PDK1: variants seen among roughly 807,000 people sequenced by gnomAD.
PDK1 encodes the protein [Pyruvate dehydrogenase (acetyl-transferring)] kinase isozyme 1, mitochondrial.
A neutral mutation model predicts 54.2 loss-of-function variants in PDK1; 39 were observed. The ratio of observed to expected loss-of-function variants is 0.72; its 90% CI spans 0.56 to 0.94. PDK1 has a LOEUF of 0.94. PDK1 is among the 40% of genes least tolerant of loss of function. The pLI is 0.00. For missense variants in PDK1, 552 were observed against 566.0 expected (o/e 0.98, Z 0.25); for synonymous variants, 221 against 207.1 (o/e 1.07, Z -0.58).
At chr2:172,695,225 A>T in the PDK1 span, among the ~76,000 whole-genome samples, 1 of 152,164 alleles carries the variant, frequency 6.6e-6, no homozygotes, top group Non-Finnish European at 1.5e-5. Context: ...TGGTTTTATT[A>T]TATGTTATTT....
intron 1 of PDK1, 56 bp from the exon 2 acceptor site, chr2:172,558,652 C>T (rs1200607808): frequency 2.1e-6 from 3 of 1,461,332 alleles, no homozygotes; most frequent in Non-Finnish European, 2.8e-6. Flanking sequence ...CAGCCTCTTG[C>T]CTTCTGTTTC....
At chr2:172,586,935 CTTATCT>C (rs935530729) in intron 9 of PDK1, among the ~76,000 whole-genome samples, 3 of 152,162 alleles carry the variant, frequency 2.0e-5, no homozygotes, top group Admixed American at 1.3e-4. Context: ...TGACTCCATC[CTTATCT>C]TTATGTTCTA....
intron 8 of PDK1, among the ~76,000 whole-genome samples, chr2:172,580,545 C>T (rs1689847682): frequency 6.6e-6 from 1 of 152,164 alleles, no homozygotes. Flanking sequence ...GGCTTAACCT[C>T]AGGAATCTGT....
rs762741257 is a variant in PDK1, at chr2:172,596,223, C to T, written c.*254C>T. The T allele has an allele frequency of 2.0e-5, 6 of 296,444 alleles. No individual in the cohort carries two copies. Among genetic ancestry groups the T allele is most frequent in the African/African-American group, 6.4e-5 (3 of 46,526 alleles). The allele number at this position is 296,444 out of a possible 1,614,324, so 18.4% of individuals were successfully genotyped here. On this transcript the variant is annotated 3_prime_UTR_variant, in exon 11 of 11. Transcript: ENST00000282077. ...AACTGTAGTTTTGGGCAACTTTTCA[C>T]TTTGTGGTAGACTTCAGAAGTGTGG...
chr2:172,671,730 G>A, the PDK1 span, among the ~76,000 whole-genome samples: 4 of 152,058 alleles, frequency 2.6e-5, no homozygotes, highest in Non-Finnish European at 5.9e-5. Context: ...TTTTATCTGT[G>A]TGTCTATGGT....
chr2:172,624,290 G>A, the PDK1 span, among the ~76,000 whole-genome samples: 2 of 151,804 alleles, frequency 1.3e-5, no homozygotes, highest in Admixed American at 1.3e-4. Context: ...CCCCATACGG[G>A]TACCAGTCTG....
the PDK1 span, among the ~76,000 whole-genome samples, chr2:172,635,183 G>C: frequency 6.6e-6 from 1 of 152,098 alleles, no homozygotes; most frequent in Non-Finnish European, 1.5e-5. Context: ...GGATTTACAT[G>C]ACTGCATATT....
the PDK1 span, among the ~76,000 whole-genome samples, chr2:172,629,718 A>AAC: frequency 1.3e-5 from 2 of 152,178 alleles, no homozygotes; most frequent in Non-Finnish European, 2.9e-5. Context: ...AAGCTAAGAG[A>AAC]ACACACTGTA....
At chr2:172,669,578 G>T in the PDK1 span, among the ~76,000 whole-genome samples, 1 of 152,052 alleles carries the variant, frequency 6.6e-6, no homozygotes, top group African/African-American at 2.4e-5. Context: ...TTTATTTTTA[G>T]TTTTTTTGAG....
At chr2:172,618,188 G>T in the PDK1 span, among the ~76,000 whole-genome samples, 20 of 152,148 alleles carry the variant, frequency 1.3e-4, no homozygotes, top group Admixed American at 1.3e-3. Context: ...AGACTATGTA[G>T]GTAGGACTTA....
intron 3 of PDK1, 27 bp from the exon 4 acceptor site, chr2:172,564,476 G>A: frequency 2.6e-6 from 4 of 1,564,970 alleles, no homozygotes; most frequent in South Asian, 1.1e-5. Flanking sequence ...AAAATATTTG[G>A]CTGTTTTGAC....
chr2:172,698,305 T>G, the PDK1 span, among the ~76,000 whole-genome samples: 2 of 152,154 alleles, frequency 1.3e-5, no homozygotes, highest in Non-Finnish European at 2.9e-5. Flanking sequence ...AATCTCCCTC[T>G]TCTCATGCAA....
downstream of PDK1, among the ~76,000 whole-genome samples, chr2:172,612,008 A>G (rs1423668208): frequency 6.6e-6 from 1 of 152,254 alleles, no homozygotes; most frequent in Non-Finnish European, 1.5e-5. Context: ...CTAGAAATGG[A>G]ATAAATCAAA....
chr2:172,664,318 A>AAAAAAAAAAAAAAAAAC, the PDK1 span, among the ~76,000 whole-genome samples: 1 of 146,974 alleles, frequency 6.8e-6, no homozygotes, highest in East Asian at 2.0e-4. Context: ...CCTCAAAAAA[A>AAAAAAAAAAAAAAAAAC]AAAAAAAAAA....
At position 172,596,912 on chromosome 2, in the gene PDK1, A is replaced by G. The variant is rs923356651; in HGVS notation, c.*943A>G. ...TGGGAACCACTCTTTCAAAGTAAAC[A>G]GTGATGACACAGCATTTGCTAAAGT... On this transcript the variant is annotated 3_prime_UTR_variant, in exon 11 of 11. Coordinates refer to ENST00000282077, the MANE Select transcript of PDK1 (RefSeq NM_002610.5). The G allele has an allele frequency of 8.5e-5, 13 of 152,204 alleles. 1 individual carries two copies. The highest frequency in any genetic ancestry group is 3.1e-4 in the African/African-American group (13 of 41,452). The allele number at this position is 152,204 out of a possible 1,614,324, so 9.4% of individuals were successfully genotyped here.
the PDK1 span, among the ~76,000 whole-genome samples, chr2:172,639,134 A>T: frequency 1.3e-5 from 2 of 152,204 alleles, no homozygotes; most frequent in Admixed American, 6.5e-5. Context: ...CCAAAATGTG[A>T]GGCCTTTTGC....
At chr2:172,672,231 G>A in the PDK1 span, among the ~76,000 whole-genome samples, 2 of 152,168 alleles carry the variant, frequency 1.3e-5, no homozygotes, top group South Asian at 2.1e-4. Flanking sequence ...TTTTCAAGCT[G>A]TTTAAAGTTT....
At chr2:172,669,827 C>T in the PDK1 span, among the ~76,000 whole-genome samples, 2 of 152,166 alleles carry the variant, frequency 1.3e-5, no homozygotes, top group East Asian at 3.8e-4. Context: ...GGTTGAGTCT[C>T]TTGCCCATTT....
chr2:172,624,118 C>T, the PDK1 span, among the ~76,000 whole-genome samples: 228 of 152,284 alleles, frequency 1.5e-3, 1 homozygote, highest in African/African-American at 4.8e-3. Context: ...TGGCCAATCA[C>T]GTTCTTCATC....
Sources: allele counts gnomAD v4.1 joint callset (sites outside exome capture counted in the v4.1 genomes callset), GRCh38; gene constraint gnomAD v4.1.1; transcripts MANE v1.5; gene names NCBI Gene and HGNC (gene_info 2026-07-23, HGNC 2026-07-21).